The following SSH2 variants were observed in gnomAD, a reference collection of about 807,000 sequenced individuals.
The protein encoded by SSH2 is slingshot protein phosphatase 2.
A neutral mutation model predicts 135.2 loss-of-function variants in SSH2; 37 were observed. That is an observed-to-expected ratio of 0.27 (90% CI 0.21 to 0.36). The LOEUF is 0.36. SSH2 is among the 10% of genes least tolerant of loss of function. The probability of loss-of-function intolerance (pLI) is 1.00; values close to 1 mark genes in which losing one functional copy is unlikely to be tolerated. For synonymous variants in SSH2, 628 were observed against 646.2 expected (o/e 0.97, Z 0.43); for missense variants, 1,408 against 1,765.3 (o/e 0.80, Z 3.63).
At chr17:29,773,234 T>C (rs1298779491) in intron 3 of SSH2, among the ~76,000 whole-genome samples, 1 of 152,024 alleles carries the variant, frequency 6.6e-6, no homozygotes, top group African/African-American at 2.4e-5. Flanking sequence ...CCTACCTAAC[T>C]AAACAGGAAG....
chr17:29,704,776 A>G (rs1299362316), intron 3 of SSH2, among the ~76,000 whole-genome samples: 1 of 152,060 alleles, frequency 6.6e-6, no homozygotes, highest in Admixed American at 6.6e-5. Flanking sequence ...AAATAAATCT[A>G]AATTATTTCA....
At chr17:29,715,065 C>T (rs1335250761) in intron 3 of SSH2, among the ~76,000 whole-genome samples, 1 of 151,954 alleles carries the variant, frequency 6.6e-6, no homozygotes, top group African/African-American at 2.4e-5. Flanking sequence ...CGGGGTTTCA[C>T]CATGTTGCCC....
chr17:29,925,113 G>A (rs2067040496), intron 1 of SSH2: 1 of 154,646 alleles, frequency 6.5e-6, no homozygotes, highest in Non-Finnish European at 1.4e-5. Context: ...TGTGGTACCT[G>A]TCCTGCATAA....
intron 1 of SSH2, among the ~76,000 whole-genome samples, chr17:29,877,450 T>C (rs1274010957): frequency 6.6e-6 from 1 of 152,190 alleles, no homozygotes; most frequent in Non-Finnish European, 1.5e-5. Flanking sequence ...CTGTCTACAA[T>C]AGCCAAGATC....
chr17:29,795,879 C>T (rs1196489584), intron 2 of SSH2, among the ~76,000 whole-genome samples: 1 of 152,042 alleles, frequency 6.6e-6, no homozygotes, highest in Non-Finnish European at 1.5e-5. Context: ...GTAGCTGGGA[C>T]TACAGGTGCC....
At chr17:29,871,719 C>T (rs2065938877) in intron 1 of SSH2, among the ~76,000 whole-genome samples, 1 of 152,072 alleles carries the variant, frequency 6.6e-6, no homozygotes, top group South Asian at 2.1e-4. Context: ...TAAATGTTTC[C>T]AAACCTGGGA....
intron 12 of SSH2, among the ~76,000 whole-genome samples, chr17:29,653,018 A>C (rs1254552481): frequency 6.6e-6 from 1 of 152,098 alleles, no homozygotes; most frequent in Non-Finnish European, 1.5e-5. Context: ...CCTCATAATA[A>C]ATTATGGCAC....
chr17:29,634,542 T>A (rs1233025862), intron 15 of SSH2, among the ~76,000 whole-genome samples: 1 of 124,808 alleles, frequency 8.0e-6, no homozygotes, highest in African/African-American at 2.9e-5. Flanking sequence ...CATTTCCTTT[T>A]GATTATTATT....
intron 1 of SSH2, among the ~76,000 whole-genome samples, chr17:29,882,240 C>T (rs2066150980): frequency 6.6e-6 from 1 of 152,184 alleles, no homozygotes; most frequent in African/African-American, 2.4e-5. Context: ...TTACCAAAAC[C>T]TTTCAAAAAC....
At chr17:29,814,728 T>A (rs1599036692) in intron 2 of SSH2, among the ~76,000 whole-genome samples, 1 of 152,004 alleles carries the variant, frequency 6.6e-6, no homozygotes, top group East Asian at 1.9e-4. Context: ...TAGCTTATAT[T>A]GCCTAAGTAT....
rs2041478902 is a variant in SSH2 at position 29,767,631 on chromosome 17, A to ACG, written c.188+26262_188+26263insCG. Among the ~76,000 whole-genome samples, 5 of 143,710 alleles carry ACG rather than the reference A, an allele frequency of 3.5e-5. No individual in the cohort carries two copies. The South Asian group carries it at 1.1e-3, about 31-fold the overall frequency. 94.3% of individuals were successfully genotyped at this position (143,710 alleles called of 152,430 possible). A position where few individuals can be genotyped will look rare whatever the true frequency, so the allele number is the denominator to read the frequency against. ...AAGAAGCATACATGCACACACACGCACACACACACACACACACACAGAATT... is the reference window on the plus strand; with the variant it reads ...AAGAAGCATACATGCACACACACGCACGCACACACACACACACACACAGAATT... On this transcript the variant is annotated intron_variant, in intron 3 of 15. Transcript: ENST00000540801.
At chr17:29,900,039 C>T (rs1200254403) in intron 1 of SSH2, among the ~76,000 whole-genome samples, 1 of 152,106 alleles carries the variant, frequency 6.6e-6, no homozygotes, top group Admixed American at 6.6e-5. Flanking sequence ...GGAAAGGATT[C>T]CCTATTTAAT....
At chr17:29,778,202 AT>A (rs1007978470) in intron 3 of SSH2, among the ~76,000 whole-genome samples, 2 of 152,186 alleles carry the variant, frequency 1.3e-5, no homozygotes, top group African/African-American at 2.4e-5. Context: ...CTAGTAAAGG[AT>A]TTCTGCCTTA....
intron 1 of SSH2, among the ~76,000 whole-genome samples, chr17:29,920,853 T>C (rs2066964949): frequency 6.6e-6 from 1 of 152,018 alleles, no homozygotes; most frequent in Admixed American, 6.5e-5. Flanking sequence ...AATGTCTGTA[T>C]ATACAAATGA....
chr17:29,643,137 T>TAG lies in SSH2; in HGVS notation c.1427+5005_1427+5006dup, dbSNP rs2036233604. On this transcript the variant is annotated intron_variant, in intron 14 of 15. Transcript: ENST00000540801. ...GGCTTGATAGAGCTTCATACAGTCATAGGAGTCTGGAGATTTTTTTCTTTG... is the reference window on the plus strand; with the variant it reads ...GGCTTGATAGAGCTTCATACAGTCATAGAGGAGTCTGGAGATTTTTTTCTTTG... 7.1e-6 allele frequency: 7 copies of TAG among 985,324 alleles called. No homozygotes were observed. The South Asian group carries it at 2.8e-4, about 40-fold the overall frequency. 61.0% of individuals were successfully genotyped at this position (985,324 alleles called of 1,614,324 possible). A position where few individuals can be genotyped will look rare whatever the true frequency, so the allele number is the denominator to read the frequency against.
At chr17:29,875,257 T>C (rs1489568505) in intron 1 of SSH2, among the ~76,000 whole-genome samples, 3 of 152,206 alleles carry the variant, frequency 2.0e-5, no homozygotes, top group Non-Finnish European at 4.4e-5. Flanking sequence ...GTATTCCTTA[T>C]CTCAGAAAAC....
chr17:29,709,007 T>C (rs893853948), intron 3 of SSH2, among the ~76,000 whole-genome samples: 1 of 105,656 alleles, frequency 9.5e-6, no homozygotes, highest in Non-Finnish European at 2.1e-5. Flanking sequence ...TATATATATA[T>C]ATATATATAG....
chr17:29,840,923 A>G (rs2169810), intron 2 of SSH2, among the ~76,000 whole-genome samples: 84,995 of 152,028 alleles, frequency 0.56, 24,161 homozygotes, highest in East Asian at 0.69. Flanking sequence ...TCTGACCCAG[A>G]TTGTCTGAAC....
chr17:29,776,618 T>G (rs970359518), intron 3 of SSH2: 13 of 152,364 alleles, frequency 8.5e-5, no homozygotes, highest in Non-Finnish European at 1.5e-4. Context: ...TTTGCATGGA[T>G]CTTTTGGAAT....
Sources: allele counts gnomAD v4.1 joint callset (sites outside exome capture counted in the v4.1 genomes callset), GRCh38; gene constraint gnomAD v4.1.1; transcripts MANE v1.5; gene names NCBI Gene and HGNC (gene_info 2026-07-23, HGNC 2026-07-21).